The following LDB2 variants were observed in gnomAD, a reference collection of about 807,000 sequenced individuals.
LDB2 encodes LIM domain-binding protein 2.
A neutral mutation model predicts 44.3 loss-of-function variants in LDB2; 12 were observed. The observed-to-expected ratio is 0.27, with a 90% confidence interval of 0.17 to 0.44. The LOEUF is 0.44. Ranked by LOEUF, LDB2 falls within the 20% of genes least tolerant of loss-of-function variation. LDB2 has a pLI of 1.00. For synonymous variants in LDB2, 164 were observed against 174.8 expected (o/e 0.94, Z 0.49); for missense variants, 344 against 473.5 (o/e 0.73, Z 2.54).
chr4:16,521,807 T>C (rs1348224821), intron 5 of LDB2, among the ~76,000 whole-genome samples: 2 of 152,218 alleles, frequency 1.3e-5, no homozygotes, highest in East Asian at 3.8e-4. Context: ...ATATGCTATA[T>C]TAAATTTCCT....
At chr4:16,818,949 TTG>T in intron 1 of LDB2, among the ~76,000 whole-genome samples, 1 of 152,346 alleles carries the variant, frequency 6.6e-6, no homozygotes, top group South Asian at 2.1e-4. Flanking sequence ...GGCCAGATTA[TTG>T]TTTTCTGAAT....
At chr4:16,588,927 T>C (rs768671606) in intron 3 of LDB2, 95 bp from the exon 4 acceptor site, 18 of 1,354,876 alleles carry the variant, frequency 1.3e-5, no homozygotes, top group Non-Finnish European at 1.9e-5. Flanking sequence ...TCCCTTTCTG[T>C]CCTTGGGCAG....
At chr4:16,548,529 C>G (rs967864560) in intron 5 of LDB2, among the ~76,000 whole-genome samples, 4 of 152,174 alleles carry the variant, frequency 2.6e-5, no homozygotes, top group African/African-American at 9.7e-5. Flanking sequence ...TCAGCTCTTC[C>G]AAAGCAGAAA....
chr4:16,777,972 C>T (rs1677430993), intron 1 of LDB2, among the ~76,000 whole-genome samples: 1 of 152,168 alleles, frequency 6.6e-6, no homozygotes, highest in South Asian at 2.1e-4. Context: ...CCCTGCCCTG[C>T]CTTCCTCCCC....
At chr4:16,573,258 G>A (rs756609135) in intron 5 of LDB2, among the ~76,000 whole-genome samples, 1 of 152,154 alleles carries the variant, frequency 6.6e-6, no homozygotes, top group Non-Finnish European at 1.5e-5. Context: ...ATTCTGGTGG[G>A]TCCTTGGGGA....
chr4:16,757,812 G>C (rs1481189019), intron 2 of LDB2, among the ~76,000 whole-genome samples: 2 of 152,156 alleles, frequency 1.3e-5, no homozygotes, highest in Non-Finnish European at 2.9e-5. Flanking sequence ...CGGAGAGCAA[G>C]TTAACTCAGC....
chr4:16,826,301 C>A (rs1188234038), intron 1 of LDB2: 1 of 152,080 alleles, frequency 6.6e-6, no homozygotes, highest in East Asian at 1.9e-4. Context: ...ACTTCTAGTC[C>A]CAATAGTTCA....
chr4:16,519,554 G>A (rs1041231798), intron 5 of LDB2, among the ~76,000 whole-genome samples: 7 of 151,140 alleles, frequency 4.6e-5, no homozygotes, highest in Admixed American at 3.3e-4. Context: ...GGTATTGATC[G>A]ACAGAGCTAA....
At chr4:16,646,128 T>C (rs928547328) in intron 2 of LDB2, among the ~76,000 whole-genome samples, 4 of 152,224 alleles carry the variant, frequency 2.6e-5, no homozygotes, top group Non-Finnish European at 5.9e-5. Context: ...GTAAAATCAA[T>C]AGACTATCTA....
intron 1 of LDB2, among the ~76,000 whole-genome samples, chr4:16,824,093 A>G (rs573826689): frequency 6.6e-6 from 1 of 152,390 alleles, no homozygotes; most frequent in African/African-American, 2.4e-5. Flanking sequence ...CTCAACACGT[A>G]GAATGTAAGA....
intron 5 of LDB2, among the ~76,000 whole-genome samples, chr4:16,574,554 C>T (rs1747681602): frequency 6.6e-6 from 1 of 152,184 alleles, no homozygotes; most frequent in Non-Finnish European, 1.5e-5. Flanking sequence ...GTGCTTGTCA[C>T]ATGCATTATT....
intron 2 of LDB2, among the ~76,000 whole-genome samples, chr4:16,680,498 T>C (rs1747550629): frequency 6.6e-6 from 1 of 152,230 alleles, no homozygotes; most frequent in Non-Finnish European, 1.5e-5. Context: ...CCTTATGGTA[T>C]GCAGGGAACT....
intron 1 of LDB2, chr4:16,889,119 A>G (rs781323754): frequency 1.3e-5 from 2 of 152,120 alleles, no homozygotes; most frequent in African/African-American, 4.8e-5. Flanking sequence ...ACACATACAT[A>G]CACCAGTTAG....
chr4:16,838,203 C>T (rs536343481), intron 1 of LDB2, among the ~76,000 whole-genome samples: 2 of 152,270 alleles, frequency 1.3e-5, no homozygotes, highest in East Asian at 3.9e-4. Flanking sequence ...ATGAGCTAAA[C>T]TTTTCATCGA....
At chr4:16,786,242 T>C (rs1490226076) in intron 1 of LDB2, among the ~76,000 whole-genome samples, 1 of 152,220 alleles carries the variant, frequency 6.6e-6, no homozygotes, top group Non-Finnish European at 1.5e-5. Context: ...AATCCTCTTA[T>C]CAACCACTCA....
chr4:16,563,228 TAA>T (rs1407114441), intron 5 of LDB2, among the ~76,000 whole-genome samples: 1 of 151,340 alleles, frequency 6.6e-6, no homozygotes. Flanking sequence ...ATAATAATAA[TAA>T]AAAGACATTA....
At chr4:16,867,930 AG>A (rs1715246264) in intron 1 of LDB2, among the ~76,000 whole-genome samples, 1 of 152,218 alleles carries the variant, frequency 6.6e-6, no homozygotes, top group Admixed American at 6.5e-5. Context: ...ACAATCCACT[AG>A]CATCTGTTGG....
intron 2 of LDB2, among the ~76,000 whole-genome samples, chr4:16,755,538 A>G (rs970792684): frequency 6.4e-5 from 2 of 31,252 alleles, no homozygotes; most frequent in African/African-American, 1.4e-4. Context: ...TGAGAGAGAG[A>G]GAGACAGACA....
At chr4:16,528,000 A>AAT (rs3034104) in intron 5 of LDB2, among the ~76,000 whole-genome samples, 160 of 150,778 alleles carry the variant, frequency 1.1e-3, no homozygotes, top group South Asian at 6.5e-3. Flanking sequence ...ATATACATGT[A>AAT]ATATATATAT....
Sources: allele counts gnomAD v4.1 joint callset (sites outside exome capture counted in the v4.1 genomes callset), GRCh38; gene constraint gnomAD v4.1.1; transcripts MANE v1.5; gene names NCBI Gene and HGNC (gene_info 2026-07-23, HGNC 2026-07-21).